Variants in DNAJB12 observed in about 807,000 individuals in gnomAD.
DNAJB12 encodes the protein dnaJ homolog subfamily B member 12.
In DNAJB12, 14 loss-of-function variants were observed where a neutral mutation model predicts 40.6. The observed-to-expected ratio is 0.34, with a 90% CI of 0.23 to 0.54. The LOEUF (loss-of-function observed/expected upper bound fraction) is 0.54, where lower values mean the gene tolerates loss of function less well. DNAJB12 is among the 20% of genes least tolerant of loss of function. The probability of loss-of-function intolerance (pLI) is 0.92; values close to 1 mark genes in which losing one functional copy is unlikely to be tolerated. For synonymous variants in DNAJB12, 181 were observed against 199.5 expected (o/e 0.91, Z 0.78); for missense variants, 444 against 501.7 (o/e 0.89, Z 1.10).
At chr10:72,347,962 A>G (rs1460259240) in intron 1 of DNAJB12, among the ~76,000 whole-genome samples, 1 of 147,268 alleles carries the variant, frequency 6.8e-6, no homozygotes, top group East Asian at 2.0e-4. Flanking sequence ...GGTGGCTCAC[A>G]CCTGTAATCC....
chr10:72,347,635 G>C (rs1394985853), intron 1 of DNAJB12, among the ~76,000 whole-genome samples: 1 of 152,210 alleles, frequency 6.6e-6, no homozygotes, highest in Non-Finnish European at 1.5e-5. Context: ...ACCAAGCCCG[G>C]CTGGGCGCTG....
chr10:72,343,117 C>T (rs183138969), intron 3 of DNAJB12, among the ~76,000 whole-genome samples: 39 of 152,348 alleles, frequency 2.6e-4, no homozygotes, highest in East Asian at 5.8e-4. Context: ...AGCTCTACTA[C>T]GTAACCCCAG....
intron 8 of DNAJB12, chr10:72,334,849 G>C: frequency 3.7e-6 from 5 of 1,341,142 alleles, no homozygotes; most frequent in Non-Finnish European, 4.7e-6. Context: ...GGCAAAGGAG[G>C]GGGTGGGCAG....
At position 72,341,055 on chromosome 10, in the gene DNAJB12, G is replaced by A. The variant is rs753202870; in HGVS notation, c.573C>T (p.His191=). The change falls in exon 4 of 9, where the codon CAC becomes CAT. Residue 191 remains histidine, a synonymous_variant. Coordinates refer to ENST00000444643, the MANE Select transcript of DNAJB12 (RefSeq NM_017626.7). ...GGGAGATGTCGGCCTCAAAGCCACG[G>A]TGGAAATCCCCATGCCCATGGCCGT... is the stretch of plus-strand genomic sequence containing the variant. The part of the protein sequence containing the change: ...ARHGHGHGDF[H]RGFEADISPE... 3 of 1,614,164 alleles carry A rather than the reference G, an allele frequency of 1.9e-6. No individual in the cohort carries two copies. Among genetic ancestry groups the A allele is most frequent in the Non-Finnish European group, 2.5e-6 (3 of 1,180,034 alleles).
intron 1 of DNAJB12, among the ~76,000 whole-genome samples, chr10:72,348,693 C>T (rs1389455736): frequency 6.6e-6 from 1 of 152,182 alleles, no homozygotes; most frequent in Non-Finnish European, 1.5e-5. Context: ...GAAATCCAAA[C>T]ACAGGAGCTC....
chr10:72,336,029 A>G (rs1025034036), intron 7 of DNAJB12, 98 bp from the exon 8 acceptor site: 10 of 1,499,982 alleles, frequency 6.7e-6, no homozygotes, highest in Middle Eastern at 1.8e-4. Flanking sequence ...AAGCTGGTAC[A>G]TGCCCGGGGC....
At position 72,340,876 on chromosome 10, in the gene DNAJB12, T is replaced by C. The variant is rs1281093561; in HGVS notation, c.644-8A>G. ...TGTAGACGTGGACGTTACCTGGGGG[T>C]CAGAGGGGCTGAGTCAGGAGCCAGG... On this transcript the variant is annotated splice_region_variant and splice_polypyrimidine_tract_variant and intron_variant, in intron 4 of 8. Coordinates refer to ENST00000444643, the MANE Select transcript of DNAJB12 (RefSeq NM_017626.7). 1 of 1,613,440 alleles carries C rather than the reference T, an allele frequency of 6.2e-7. No individual in the cohort carries two copies. Among genetic ancestry groups the C allele is most frequent in the South Asian group, 1.1e-5 (1 of 90,982 alleles).
At position 72,354,834 on chromosome 10, in the gene DNAJB12, T is replaced by G. The variant is rs201721565; in HGVS notation, c.64A>C (p.Asn22His). ...ISIALKAIQSNQPDRALRFLE... is the reference protein window; with the variant it reads ...ISIALKAIQSHQPDRALRFLE... Reference sequence around the variant, plus strand: ...AAGCGGAGCGCCCGGTCGGGCTGGTTGCTCTGGATGGCCTTGAGGGCGATG... The same window carrying G: ...AAGCGGAGCGCCCGGTCGGGCTGGTGGCTCTGGATGGCCTTGAGGGCGATG... The change falls in exon 1 of 9, where the codon AAC (asparagine) becomes CAC (histidine). Residue 22 changes from asparagine (N) to histidine (H), a missense_variant. Asn to His is a moderately conservative substitution (Grantham distance 68). Transcript: ENST00000444643. 193 of 1,614,112 alleles carry G rather than the reference T, an allele frequency of 1.2e-4. 1 individual carries two copies. In the East Asian group the frequency reaches 3.9e-3, roughly 33 times the overall value.
chr10:72,334,281 G>A lies in DNAJB12; in HGVS notation c.*367C>T. ...GGTGGCTGGTGGTGGCTCCTGTGAG[G>A]GAGGAAAGGCAGCTGGGTGCCCCCT... On this transcript the variant is annotated 3_prime_UTR_variant, in exon 9 of 9. Transcript: ENST00000444643. The A allele has an allele frequency of 4.6e-6, 2 of 432,902 alleles. No individual in the cohort carries two copies. Among genetic ancestry groups the A allele is most frequent in the Non-Finnish European group, 8.2e-6 (2 of 242,702 alleles). The allele number at this position is 432,902 out of a possible 1,614,324, so 26.8% of individuals were successfully genotyped here. A position where few individuals can be genotyped will look rare whatever the true frequency, so the allele number is the denominator to read the frequency against.
At chr10:72,354,516 A>C in intron 1 of DNAJB12, 1 of 487,834 alleles carries the variant, frequency 2.0e-6, no homozygotes, top group Non-Finnish European at 3.6e-6. Context: ...CGGAGACCTC[A>C]AACCCCAGCG....
At position 72,335,439 on chromosome 10, in the gene DNAJB12, G is replaced by A; in HGVS notation, c.*30+341C>T. The A allele has an allele frequency of 9.2e-7, 1 of 1,083,858 alleles. No homozygotes were observed. The highest frequency in any genetic ancestry group is 1.1e-6 in the Non-Finnish European group (1 of 886,710). 67.1% of individuals were successfully genotyped at this position (1,083,858 alleles called of 1,614,324 possible). On this transcript the variant is annotated intron_variant, in intron 8 of 8. Transcript: ENST00000444643. This position sits in a 1 kb window ranked among gnomAD's most constrained non-coding sequence, Gnocchi z 4.4. ...AATAGTCTGCTGTGCTGGAGAAAGG[G>A]CCGTGCTGACTGATGGCTGGAGTGG...
At chr10:72,344,403 G>A (rs554262273) in intron 2 of DNAJB12, among the ~76,000 whole-genome samples, 2 of 152,366 alleles carry the variant, frequency 1.3e-5, no homozygotes, top group East Asian at 1.9e-4. Context: ...GGAGACCTGG[G>A]GAGAAATGGG....
chr10:72,335,983 G>A lies in DNAJB12; in HGVS notation c.1007-52C>T. ...GCACACCCAGTACCTCCCGAAGCCT[G>A]CAAGGAAGCCTGCGAGGGCTGTGGA... On this transcript the variant is annotated intron_variant, in intron 7 of 8. Coordinates refer to ENST00000444643, the MANE Select transcript of DNAJB12 (RefSeq NM_017626.7). This position sits in a 1 kb window ranked among gnomAD's most constrained non-coding sequence, Gnocchi z 4.4. 6.2e-7 allele frequency: 1 copy of A among 1,604,748 alleles called. No individual in the cohort carries two copies. The highest frequency in any genetic ancestry group is 1.1e-5 in the South Asian group (1 of 90,390).
Position 72,334,647 on chromosome 10 carries a change from G to A in DNAJB12, c.*31-30C>T, listed in dbSNP as rs750457437. 4.7e-5 allele frequency: 72 copies of A among 1,523,768 alleles called. 1 individual carries two copies. The highest frequency in any genetic ancestry group is 2.5e-4 in the South Asian group (21 of 83,062). The allele number at this position is 1,523,768 out of a possible 1,614,324, so 94.4% of individuals were successfully genotyped here. ...GGAGGAGAGTGGCAACAGTTAGCTC[G>A]GCATTCAGGCGGCACCGGCTCCTCT... On this transcript the variant is annotated intron_variant, in intron 8 of 8. Transcript: ENST00000444643.
intron 1 of DNAJB12, among the ~76,000 whole-genome samples, chr10:72,351,485 G>A (rs1485461475): frequency 3.9e-5 from 6 of 152,174 alleles, no homozygotes; most frequent in Non-Finnish European, 8.8e-5. Flanking sequence ...CTCTGCCCAT[G>A]CTCTCGATCC....
At chr10:72,346,987 C>T (rs932663334) in intron 1 of DNAJB12, among the ~76,000 whole-genome samples, 4 of 148,896 alleles carry the variant, frequency 2.7e-5, no homozygotes, top group African/African-American at 5.0e-5. Context: ...TTTTTTGAGA[C>T]GGAGTCTCAC....
At position 72,336,609 on chromosome 10, in the gene DNAJB12, G is replaced by A. The variant is rs753833421; in HGVS notation, c.921C>T (p.Gly307=). The change falls in exon 7 of 9, where the codon GGC becomes GGT. Residue 307 remains glycine, a synonymous_variant. Transcript: ENST00000444643. ...TCCGCTCGACTGTTTTGAGGCTGGA[G>A]CCTGTGTACTCTTCGGAGAAAGTGT... The part of the protein sequence containing the change: ...VGDTFSEEYT[G]SSLKTVERNV... The A allele has an allele frequency of 4.3e-6, 7 of 1,614,162 alleles. No homozygotes were observed. In the Admixed American group the frequency reaches 1.2e-4, roughly 27 times the overall value.
chr10:72,342,768 C>T (rs972448727), intron 3 of DNAJB12, among the ~76,000 whole-genome samples: 7 of 152,204 alleles, frequency 4.6e-5, no homozygotes, highest in African/African-American at 1.4e-4. Flanking sequence ...TACACATGAG[C>T]GCCTGACAGG....
chr10:72,343,251 C>G (rs1387965219), intron 3 of DNAJB12, 115 bp downstream of exon 3: 1 of 1,373,208 alleles, frequency 7.3e-7, no homozygotes, highest in Non-Finnish European at 9.9e-7. Flanking sequence ...CAACTTGGGC[C>G]CAAGGCCACT....
Sources: gnomAD v4.1 joint callset for allele counts (sites outside exome capture counted in the v4.1 genomes callset) on GRCh38, gnomAD v4.1.1 for gene constraint, Gnocchi (gnomAD v3.1) non-coding constraint, MANE v1.5 for transcripts, NCBI Gene and HGNC (gene_info 2026-07-23, HGNC 2026-07-21) for gene names.